DMD: variants seen among roughly 807,000 people sequenced by gnomAD.
DMD encodes dystrophin.
In DMD, 63 loss-of-function variants were observed where a neutral mutation model predicts 330.1. That is an observed-to-expected ratio of 0.19 (90% CI 0.16 to 0.24). DMD has a LOEUF of 0.24. DMD is among the 10% of genes least tolerant of loss of function. The pLI, the probability that DMD is intolerant of heterozygous loss-of-function variation, is 1.00. For synonymous variants in DMD, 1,223 were observed against 959.8 expected (o/e 1.27, Z -5.07); for missense variants, 3,344 against 2,684.1 (o/e 1.25, Z -5.43).
intron 53 of DMD, among the ~76,000 whole-genome samples, chrX:31,672,904 C>G (rs1269413512): frequency 8.9e-6 from 1 of 112,345 alleles, no homozygotes; most frequent in Non-Finnish European, 1.9e-5. Flanking sequence ...CAACTAGCAT[C>G]ACAGCCTTAG....
Position 32,514,296 on chromosome X carries a change from T to C in DMD, c.2292+3712A>G, listed in dbSNP as rs145961142. The stretch of plus-strand genomic sequence containing the variant: ...TACCCACAATTTGAGAAATATTATT[T>C]CGACTAAAGTAGGAGATGAAATCAT... On this transcript the variant is annotated intron_variant, in intron 18 of 78. Coordinates refer to ENST00000357033, the MANE Select transcript of DMD (RefSeq NM_004006.3). Among the ~76,000 whole-genome samples, 615 of 110,502 alleles carry C rather than the reference T, an allele frequency of 5.6e-3. 5 individuals are homozygous for C. Among genetic ancestry groups the C allele is most frequent in the African/African-American group, 0.019 (589 of 30,395 alleles).
chrX:31,833,359 A>AAGAGAGAGAG (rs61677647), intron 49 of DMD, among the ~76,000 whole-genome samples: 21 of 50,461 alleles, frequency 4.2e-4, no homozygotes, highest in Middle Eastern at 0.015. Context: ...GAGGGAGGGA[A>AAGAGAGAGAG]AGAGAGAGAG....
At position 32,204,740 on chromosome X, in the gene DMD, G is replaced by A. The variant is rs759748464; in HGVS notation, c.6438+12176C>T. On this transcript the variant is annotated intron_variant, in intron 44 of 78. Transcript: ENST00000357033. ...TCACTGGCATCTACTTCTGGTGAGA[G>A]CCTCAGGAAGTTTACAACCAACCAT... Among the ~76,000 whole-genome samples, 4 of 110,174 alleles carry A rather than the reference G, an allele frequency of 3.6e-5. No individual in the cohort carries two copies. The East Asian group carries it at 1.1e-3, about 32-fold the overall frequency.
At chrX:32,882,408 T>C (rs1292375710) in intron 2 of DMD, among the ~76,000 whole-genome samples, 1 of 112,351 alleles carries the variant, frequency 8.9e-6, no homozygotes, top group Non-Finnish European at 1.9e-5. Flanking sequence ...GTGGTTTCTG[T>C]CTGTTAACTG....
intron 43 of DMD, among the ~76,000 whole-genome samples, chrX:32,282,305 T>G (rs1258652275): frequency 8.9e-6 from 1 of 112,087 alleles, no homozygotes; most frequent in East Asian, 2.8e-4. Context: ...TAATCCCAGA[T>G]AGATCTTATG....
intron 4 of DMD, among the ~76,000 whole-genome samples, chrX:32,836,743 C>G (rs186680852): frequency 1.8e-5 from 2 of 111,723 alleles, no homozygotes; most frequent in African/African-American, 6.5e-5. Flanking sequence ...GTTTAACAAA[C>G]CTTAATCAAA....
intron 55 of DMD, among the ~76,000 whole-genome samples, chrX:31,581,487 C>G (rs1264682226): frequency 2.7e-5 from 3 of 111,753 alleles, no homozygotes; most frequent in Non-Finnish European, 5.6e-5. Context: ...ATAAAAAACA[C>G]AGGTTTTTTT....
intron 60 of DMD, among the ~76,000 whole-genome samples, chrX:31,438,070 A>C (rs1289491025): frequency 1.8e-5 from 2 of 109,802 alleles, no homozygotes; most frequent in South Asian, 3.9e-4. Flanking sequence ...GTTTCTGGGG[A>C]TCTATTAACA....
intron 2 of DMD, among the ~76,000 whole-genome samples, chrX:32,904,389 A>C (rs1461321307): frequency 9.0e-6 from 1 of 111,207 alleles, no homozygotes; most frequent in African/African-American, 3.3e-5. Flanking sequence ...GAGAAAGATT[A>C]TAAGAAGAGG....
chrX:32,498,667 TA>T lies in DMD; in HGVS notation c.2380+3087del, dbSNP rs746967928. Among the ~76,000 whole-genome samples the T allele has an allele frequency of 8.5e-3, 950 of 111,930 alleles. 8 individuals carry two copies. Among genetic ancestry groups the T allele is most frequent in the Middle Eastern group, 0.014 (3 of 218 alleles). On this transcript the variant is annotated intron_variant, in intron 19 of 78. Transcript: ENST00000357033. ...ATTGCTGTAAAATTAATGATATGGTTAATATTAACTGTTTTAAAATTCTGCA... is the reference window on the plus strand; with the variant it reads ...ATTGCTGTAAAATTAATGATATGGTTATATTAACTGTTTTAAAATTCTGCA...
chrX:33,259,748 A>G, intron 1 of DMD, among the ~76,000 whole-genome samples: 1 of 109,296 alleles, frequency 9.1e-6, no homozygotes, highest in South Asian at 4.0e-4. Flanking sequence ...GAAACCACTC[A>G]TCTGTTTACT....
chrX:33,126,776 G>C (rs200411534), intron 1 of DMD, among the ~76,000 whole-genome samples: 2 of 111,370 alleles, frequency 1.8e-5, no homozygotes, highest in African/African-American at 6.5e-5. Flanking sequence ...AGCTGTGAAG[G>C]TTCAATAAAT....
At chrX:33,020,031 T>C in intron 2 of DMD, 108 bp downstream of exon 2, 2 of 559,603 alleles carry the variant, frequency 3.6e-6, no homozygotes, top group Non-Finnish European at 5.7e-6. Context: ...TAAAATAAAA[T>C]GACACTATGA....
At chrX:32,702,099 A>C (rs1206326522) in intron 7 of DMD, among the ~76,000 whole-genome samples, 3 of 112,096 alleles carry the variant, frequency 2.7e-5, no homozygotes, top group Non-Finnish European at 5.6e-5. Context: ...TTATATTCAA[A>C]GTATTTTAAT....
intron 9 of DMD, among the ~76,000 whole-genome samples, chrX:32,646,909 G>T (rs2059819545): frequency 9.0e-6 from 1 of 111,196 alleles, no homozygotes; most frequent in Admixed American, 9.7e-5. Flanking sequence ...CACTGAAAGG[G>T]CTATTTGCAT....
chrX:31,821,535 A>T (rs749221337), intron 49 of DMD, among the ~76,000 whole-genome samples: 14 of 112,257 alleles, frequency 1.2e-4, no homozygotes, highest in Non-Finnish European at 2.6e-4. Context: ...CAGAGGAAGA[A>T]GATGAACAGG....
intron 15 of DMD, among the ~76,000 whole-genome samples, chrX:32,569,694 A>C (rs2052175482): frequency 9.0e-6 from 1 of 111,601 alleles, no homozygotes; most frequent in African/African-American, 3.3e-5. Context: ...CTCAGTTACC[A>C]TGAGCACTTC....
At chrX:31,284,557 T>TTTTTTCTTCTTCTTCTTCTTTCTTCTTCC (rs2052885922) in intron 62 of DMD, among the ~76,000 whole-genome samples, 5 of 78,066 alleles carry the variant, frequency 6.4e-5, no homozygotes, top group African/African-American at 2.6e-4. Flanking sequence ...TAACGAACTG[T>TTTTTTCTTCTTCTTCTTCTTTCTTCTTCC]TTCTTCTTCT....
intron 15 of DMD, among the ~76,000 whole-genome samples, chrX:32,572,447 A>G (rs1270200751): frequency 9.0e-6 from 1 of 111,624 alleles, no homozygotes; most frequent in Admixed American, 9.6e-5. Flanking sequence ...AATTTTAAGA[A>G]ATCATAAAGT....
Sources: allele counts gnomAD v4.1 joint callset (sites outside exome capture counted in the v4.1 genomes callset), GRCh38; gene constraint gnomAD v4.1.1; transcripts MANE v1.5; gene names NCBI Gene and HGNC (gene_info 2026-07-23, HGNC 2026-07-21).